Variants in CCDC88A observed in about 807,000 individuals in gnomAD.
CCDC88A encodes coiled-coil and HOOK domain protein 88A.
A neutral mutation model predicts 234.3 loss-of-function variants in CCDC88A; 54 were observed. The ratio of observed to expected loss-of-function variants is 0.23; its 90% CI spans 0.19 to 0.29. The LOEUF (loss-of-function observed/expected upper bound fraction) is 0.29. Among genes scored for constraint, CCDC88A ranks in the 10% least tolerant of loss-of-function variants. The pLI, the probability that CCDC88A is intolerant of heterozygous loss-of-function variation, is 1.00. For missense variants in CCDC88A, 1,832 were observed against 2,123.4 expected (o/e 0.86, Z 2.70); for synonymous variants, 753 against 737.8 (o/e 1.02, Z -0.33).
At chr2:55,375,490 T>C (rs1407392281) in intron 3 of CCDC88A, among the ~76,000 whole-genome samples, 9 of 30,440 alleles carry the variant, frequency 3.0e-4, no homozygotes, top group Admixed American at 7.2e-4. Context: ...TATATATATA[T>C]ATATATATAT....
At chr2:55,402,270 ATTCT>A (rs1678828929) in intron 2 of CCDC88A, among the ~76,000 whole-genome samples, 1 of 152,186 alleles carries the variant, frequency 6.6e-6, no homozygotes, top group Non-Finnish European at 1.5e-5. Context: ...GGGAAATAAC[ATTCT>A]TTCACTTCTT....
At chr2:55,394,198 G>A (rs183244627) in intron 2 of CCDC88A, 28 of 152,242 alleles carry the variant, frequency 1.8e-4, no homozygotes, top group Non-Finnish European at 3.1e-4. Context: ...TTGTCCTTGC[G>A]AGAGTTTGCT....
chr2:55,361,114 TAATAA>T (rs1214563085), intron 7 of CCDC88A, among the ~76,000 whole-genome samples: 5 of 152,090 alleles, frequency 3.3e-5, no homozygotes, highest in East Asian at 1.9e-4. Context: ...AAATAAAATA[TAATAA>T]AATAAAACCA....
chr2:55,379,751 T>G (rs1674276796), intron 3 of CCDC88A, among the ~76,000 whole-genome samples: 1 of 151,588 alleles, frequency 6.6e-6, no homozygotes, highest in Middle Eastern at 3.2e-3. Flanking sequence ...TTGTCTCTAC[T>G]AAAAATAGAA....
intron 23 of CCDC88A, among the ~76,000 whole-genome samples, chr2:55,310,263 A>G (rs1050317516): frequency 1.3e-5 from 2 of 152,170 alleles, no homozygotes; most frequent in African/African-American, 4.8e-5. Context: ...CTTTAACCCA[A>G]TGATGGAATA....
chr2:55,291,775 T>A lies in CCDC88A; in HGVS notation c.5552A>T (p.Asn1851Ile), dbSNP rs1679473391. Reference protein sequence around the residue: ...AADSNTTAASNVDKVQESRNS... With the variant: ...AADSNTTAASIVDKVQESRNS... The stretch of plus-strand genomic sequence containing the variant: ...TCTGCTTTCTTGTACTTTGTCCACA[T>A]CTGCAGGAGAAAAGCATTTCATGTT... The change falls in exon 32 of 33, where the codon AAT (asparagine) becomes ATT (isoleucine). Residue 1851 changes from asparagine (N) to isoleucine (I), a missense_variant and splice_region_variant. Asn to Ile is a moderately radical substitution (Grantham distance 149). Coordinates refer to ENST00000436346, the MANE Select transcript of CCDC88A (RefSeq NM_001365480.1). 6.2e-7 allele frequency: 1 copy of A among 1,610,008 alleles called. No individual in the cohort carries two copies. The highest frequency in any genetic ancestry group is 8.5e-7 in the Non-Finnish European group (1 of 1,177,212).
chr2:55,356,279 T>G (rs1288553448), intron 7 of CCDC88A: 1 of 152,338 alleles, frequency 6.6e-6, no homozygotes, highest in African/African-American at 2.4e-5. Context: ...ATTAGTTTGC[T>G]GAGGATAATG....
chr2:55,336,848 G>C (rs140398967), intron 13 of CCDC88A, 30 bp from the exon 14 acceptor site: 9 of 1,375,058 alleles, frequency 6.5e-6, no homozygotes, highest in Non-Finnish European at 9.1e-6. Context: ...AAAACAATAC[G>C]TTAAATATTC....
In CCDC88A at chr2:55,309,364, C is replaced by T. The variant is rs1296791940; in HGVS notation, c.4080-110G>A. On this transcript the variant is annotated intron_variant, in intron 23 of 32. Coordinates refer to ENST00000436346, the MANE Select transcript of CCDC88A (RefSeq NM_001365480.1). The surrounding 1 kb of genome is among the most constrained non-coding windows in gnomAD (Gnocchi z 5.1). ...TGTCTCCCCAAAACATAAAAAAATA[C>T]AGATACCATGGTTGGCAACTAAGAT... 9.9e-6 allele frequency: 5 copies of T among 503,778 alleles called. No homozygotes were observed. Among genetic ancestry groups the T allele is most frequent in the Non-Finnish European group, 1.4e-5 (4 of 284,782 alleles). 31.2% of individuals were successfully genotyped at this position (503,778 alleles called of 1,614,324 possible).
intron 3 of CCDC88A, among the ~76,000 whole-genome samples, chr2:55,380,101 T>C (rs1674354647): frequency 6.8e-6 from 1 of 146,856 alleles, no homozygotes; most frequent in Admixed American, 6.8e-5. Flanking sequence ...CTGCATGTGC[T>C]GGCACACACC....
chr2:55,396,641 C>T (rs542079232), intron 2 of CCDC88A, among the ~76,000 whole-genome samples: 1 of 151,982 alleles, frequency 6.6e-6, no homozygotes, highest in Non-Finnish European at 1.5e-5. Context: ...GAGGCTGAGG[C>T]GGGCAGATCA....
At chr2:55,366,298 G>C (rs2104797733) in intron 5 of CCDC88A, among the ~76,000 whole-genome samples, 1 of 152,276 alleles carries the variant, frequency 6.6e-6, no homozygotes, top group Admixed American at 6.5e-5. Flanking sequence ...GGCTGAGGCA[G>C]CTGGATCACC....
intron 18 of CCDC88A, among the ~76,000 whole-genome samples, chr2:55,321,653 A>G (rs754729027): frequency 6.6e-6 from 1 of 152,200 alleles, no homozygotes; most frequent in African/African-American, 2.4e-5. Context: ...CATTAAAATG[A>G]AATACATATA....
chr2:55,405,038 T>C (rs1489550164), intron 2 of CCDC88A: 3 of 152,248 alleles, frequency 2.0e-5, no homozygotes, highest in African/African-American at 7.2e-5. Flanking sequence ...CGCAAAATAG[T>C]TTTTAAAAGG....
At chr2:55,297,560 G>A (rs1281372886) in intron 29 of CCDC88A, among the ~76,000 whole-genome samples, 2 of 147,780 alleles carry the variant, frequency 1.4e-5, no homozygotes, top group East Asian at 2.0e-4. Context: ...ACAGGCATGC[G>A]CCCCCATGCC....
At chr2:55,368,874 C>T (rs1672397186) in intron 5 of CCDC88A, among the ~76,000 whole-genome samples, 2 of 152,150 alleles carry the variant, frequency 1.3e-5, no homozygotes, top group South Asian at 2.1e-4. Flanking sequence ...TACTTGTTGG[C>T]TGATTGGTTT....
chr2:55,411,502 G>A (rs373757170), intron 2 of CCDC88A, among the ~76,000 whole-genome samples: 29 of 151,954 alleles, frequency 1.9e-4, no homozygotes, highest in African/African-American at 6.0e-4. Flanking sequence ...GCCCAGGCAC[G>A]GTGGCTCATG....
chr2:55,324,277 A>G (rs1414971230), intron 17 of CCDC88A: 1 of 152,248 alleles, frequency 6.6e-6, no homozygotes, highest in Non-Finnish European at 1.5e-5. Flanking sequence ...GCTAATGTAC[A>G]GATTTTAAGT....
intron 8 of CCDC88A, 172 bp downstream of exon 8, chr2:55,355,407 T>C: frequency 3.4e-6 from 2 of 596,186 alleles, no homozygotes; most frequent in Non-Finnish European, 5.9e-6. Context: ...AGGCATCCTT[T>C]AAACTGTTAA....
Sources: allele counts gnomAD v4.1 joint callset (sites outside exome capture counted in the v4.1 genomes callset), GRCh38; gene constraint gnomAD v4.1.1; non-coding constraint Gnocchi (gnomAD v3.1); transcripts MANE v1.5; gene names NCBI Gene and HGNC (gene_info 2026-07-23, HGNC 2026-07-21).